NRXN3: variants seen among roughly 807,000 people sequenced by gnomAD.
The protein encoded by NRXN3 is neurexin 3.
A neutral mutation model predicts 137.6 loss-of-function variants in NRXN3; 32 were observed. The observed-to-expected ratio is 0.23, with a 90% CI of 0.18 to 0.31. The LOEUF (loss-of-function observed/expected upper bound fraction) is 0.31. NRXN3 is among the 10% of genes least tolerant of loss of function. The pLI, the probability that NRXN3 is intolerant of heterozygous loss-of-function variation, is 1.00. For missense variants in NRXN3, 1,574 were observed against 2,062.5 expected, an observed-to-expected ratio of 0.76 and a Z score of 4.59; for synonymous variants, 798 against 784.5, an observed-to-expected ratio of 1.02 and a Z score of -0.29.
chr14:79,801,736 G>A (rs1207284330), intron 19 of NRXN3, among the ~76,000 whole-genome samples: 1 of 152,160 alleles, frequency 6.6e-6, no homozygotes, highest in Non-Finnish European at 1.5e-5. Context: ...TGCCTGGGAA[G>A]AACACTGTAT....
chr14:78,654,494 A>G (rs2097770685), intron 6 of NRXN3, among the ~76,000 whole-genome samples: 2 of 152,180 alleles, frequency 1.3e-5, no homozygotes, highest in Admixed American at 6.5e-5. Flanking sequence ...TGTCTTTGGG[A>G]CTGTAGTTAC....
chr14:78,649,569 T>C (rs555418095), intron 5 of NRXN3, among the ~76,000 whole-genome samples: 1 of 151,904 alleles, frequency 6.6e-6, no homozygotes, highest in East Asian at 1.9e-4. Context: ...AATGCTTTTT[T>C]TTTTTTTTTT....
chr14:78,894,602 C>A (rs2099168225), intron 10 of NRXN3, among the ~76,000 whole-genome samples: 1 of 151,902 alleles, frequency 6.6e-6, no homozygotes, highest in African/African-American at 2.4e-5. Context: ...AAACTTCTCC[C>A]ATGAATCACG....
At chr14:78,542,707 C>A (rs1428846229) in intron 4 of NRXN3, among the ~76,000 whole-genome samples, 1 of 152,182 alleles carries the variant, frequency 6.6e-6, no homozygotes, top group African/African-American at 2.4e-5. Flanking sequence ...ACTGTCTAAC[C>A]AGTCCCAGTA....
chr14:78,197,887 G>C (rs2061365604), intron 1 of NRXN3, among the ~76,000 whole-genome samples: 1 of 152,118 alleles, frequency 6.6e-6, no homozygotes, highest in Non-Finnish European at 1.5e-5. Context: ...ATCCTTTTCT[G>C]TTGTCCATTC....
chr14:79,563,247 G>T (rs572071982), intron 16 of NRXN3, among the ~76,000 whole-genome samples: 1 of 152,088 alleles, frequency 6.6e-6, no homozygotes, highest in Non-Finnish European at 1.5e-5. Flanking sequence ...AATAGGAAAC[G>T]GAGAAGTAGA....
chr14:79,690,052 A>G (rs969895531), intron 17 of NRXN3, among the ~76,000 whole-genome samples: 1 of 152,182 alleles, frequency 6.6e-6, no homozygotes, highest in Non-Finnish European at 1.5e-5. Flanking sequence ...CAGAAAACCC[A>G]AAGTAATAGA....
At chr14:78,637,201 T>C (rs2097574843) in intron 4 of NRXN3, among the ~76,000 whole-genome samples, 2 of 152,198 alleles carry the variant, frequency 1.3e-5, no homozygotes, top group Non-Finnish European at 2.9e-5. Context: ...TGTCCATTGC[T>C]CTAGCCACCT....
At position 78,550,648 on chromosome 14, in the gene NRXN3, G is replaced by A. The variant is rs75020832; in HGVS notation, c.758-94472G>A. ...TTCAACATGTTCTACATAAGGGACT[G>A]GAAGCTCTGCCCGGGATGTATGAGG... On this transcript the variant is annotated intron_variant, in intron 4 of 20. Coordinates refer to ENST00000335750, the MANE Select transcript of NRXN3 (RefSeq NM_001330195.2). Among the ~76,000 whole-genome samples, 645 of 152,268 alleles carry A rather than the reference G, an allele frequency of 4.2e-3. 5 individuals are homozygous for A. Among genetic ancestry groups the A allele is most frequent in the African/African-American group, 0.014 (593 of 41,550 alleles).
intron 16 of NRXN3, among the ~76,000 whole-genome samples, chr14:79,584,046 A>G (rs545464571): frequency 2.0e-5 from 3 of 152,226 alleles, no homozygotes; most frequent in African/African-American, 4.8e-5. Flanking sequence ...CTTGCAATCA[A>G]TTGCTTGGGA....
At chr14:79,048,521 A>G (rs1217233667) in intron 15 of NRXN3, among the ~76,000 whole-genome samples, 1 of 152,202 alleles carries the variant, frequency 6.6e-6, no homozygotes, top group African/African-American at 2.4e-5. Flanking sequence ...TAGTCTTTTA[A>G]GTGTGCAATA....
At chr14:79,658,832 C>A (rs1228104654) in intron 16 of NRXN3, among the ~76,000 whole-genome samples, 1 of 152,180 alleles carries the variant, frequency 6.6e-6, no homozygotes, top group Admixed American at 6.5e-5. Flanking sequence ...TTCCATTGCC[C>A]ATATCCCTGG....
chr14:79,367,456 A>G (rs1365137958), intron 15 of NRXN3, among the ~76,000 whole-genome samples: 2 of 152,332 alleles, frequency 1.3e-5, no homozygotes, highest in East Asian at 3.9e-4. Context: ...GAAGGATGAT[A>G]GAAATATAGG....
intron 14 of NRXN3, among the ~76,000 whole-genome samples, chr14:78,982,802 A>G (rs566870510): frequency 2.0e-5 from 3 of 152,304 alleles, no homozygotes; most frequent in African/African-American, 7.2e-5. Context: ...GCATGAAGCC[A>G]AAAAGGTTCT....
At chr14:79,433,597 C>T (rs1432938254) in intron 15 of NRXN3, among the ~76,000 whole-genome samples, 2 of 152,096 alleles carry the variant, frequency 1.3e-5, no homozygotes, top group East Asian at 3.9e-4. Context: ...AAAAAACTCA[C>T]CAGTTTAAAG....
chr14:79,567,339 C>A (rs2097559972), intron 16 of NRXN3, among the ~76,000 whole-genome samples: 1 of 151,842 alleles, frequency 6.6e-6, no homozygotes, highest in South Asian at 2.1e-4. Context: ...CTGTACCGAT[C>A]AAAACTGACC....
chr14:78,595,013 G>A (rs1014794223), intron 4 of NRXN3, among the ~76,000 whole-genome samples: 2 of 152,184 alleles, frequency 1.3e-5, no homozygotes, highest in Non-Finnish European at 2.9e-5. Flanking sequence ...GGCTATGGTG[G>A]TGAGCAGAAC....
chr14:78,948,405 C>T (rs2099373543), intron 10 of NRXN3, among the ~76,000 whole-genome samples: 1 of 152,154 alleles, frequency 6.6e-6, no homozygotes, highest in Non-Finnish European at 1.5e-5. Context: ...GCAGGCAGGG[C>T]AGGCACCCTA....
chr14:78,368,554 G>T (rs548511735), intron 4 of NRXN3, among the ~76,000 whole-genome samples: 1 of 152,136 alleles, frequency 6.6e-6, no homozygotes, highest in Non-Finnish European at 1.5e-5. Flanking sequence ...AATTAGCCAG[G>T]CACTGTGGCG....
Sources: allele counts gnomAD v4.1 joint callset (sites outside exome capture counted in the v4.1 genomes callset), GRCh38; gene constraint gnomAD v4.1.1; transcripts MANE v1.5; gene names NCBI Gene and HGNC (gene_info 2026-07-23, HGNC 2026-07-21).